Variants in CLIC5 observed in about 807,000 individuals in gnomAD.
The protein encoded by CLIC5 is chloride intracellular channel protein 5.
CLIC5 carries 20 observed loss-of-function variants against 24.7 expected under a neutral mutation model. The ratio of observed to expected loss-of-function variants is 0.81; its 90% CI spans 0.57 to 1.18. CLIC5 has a LOEUF of 1.18. CLIC5 is among the 50% of genes most tolerant of loss of function. The probability of loss-of-function intolerance (pLI) is 0.00; values close to 1 mark genes in which losing one functional copy is unlikely to be tolerated. For missense variants in CLIC5, 341 were observed against 326.1 expected (o/e 1.05, Z -0.35); for synonymous variants, 159 against 135.6 (o/e 1.17, Z -1.20).
chr6:45,930,308 A>C (rs1763681498), intron 4 of CLIC5, among the ~76,000 whole-genome samples: 1 of 152,172 alleles, frequency 6.6e-6, no homozygotes, highest in East Asian at 1.9e-4. Context: ...GTAAATGTAA[A>C]GACTCGAGAT....
chr6:46,008,332 T>C (rs967602161), intron 1 of CLIC5, among the ~76,000 whole-genome samples: 1 of 152,202 alleles, frequency 6.6e-6, no homozygotes, highest in Non-Finnish European at 1.5e-5. Flanking sequence ...TTGCTCACTT[T>C]TGGCCACCTC....
intron 1 of CLIC5, among the ~76,000 whole-genome samples, chr6:46,035,757 T>A (rs1767640641): frequency 6.6e-6 from 1 of 152,274 alleles, no homozygotes; most frequent in South Asian, 2.1e-4. Context: ...ATTTTCTTTT[T>A]TTTTTTAAGA....
chr6:46,011,497 G>T (rs1385262850), intron 1 of CLIC5, among the ~76,000 whole-genome samples: 1 of 152,218 alleles, frequency 6.6e-6, no homozygotes, highest in African/African-American at 2.4e-5. Context: ...GGCTTGGGGA[G>T]CAAACTGCCA....
chr6:46,057,444 C>T (rs1352774776), intron 1 of CLIC5, among the ~76,000 whole-genome samples: 7 of 152,202 alleles, frequency 4.6e-5, no homozygotes, highest in Non-Finnish European at 1.0e-4. Flanking sequence ...TCCAATTAAA[C>T]CTCTTTTTCT....
rs1762434855 is a variant in CLIC5, at chr6:45,898,658, C to A, written c.*4430G>T. On this transcript the variant is annotated 3_prime_UTR_variant, in exon 6 of 6. Transcript: ENST00000339561. ...GGTCTCGAGAAAATCAAGTAACTATCATTTGGAGTGTCTTTGTAAAATGAA... is the reference window on the plus strand; with the variant it reads ...GGTCTCGAGAAAATCAAGTAACTATAATTTGGAGTGTCTTTGTAAAATGAA... 6.6e-6 allele frequency: 1 copy of A among 152,622 alleles called. No homozygotes were observed. The highest frequency in any genetic ancestry group is 2.4e-5 in the African/African-American group (1 of 41,442). The allele number at this position is 152,622 out of a possible 1,614,324, so 9.5% of individuals were successfully genotyped here.
At chr6:45,962,124 C>T (rs1022285482) in intron 1 of CLIC5, among the ~76,000 whole-genome samples, 6 of 149,058 alleles carry the variant, frequency 4.0e-5, no homozygotes, top group South Asian at 2.1e-4. Context: ...TATGGAGAAA[C>T]GTATACACAT....
chr6:45,889,199 T>A (rs1418153694), intron 6 of CLIC5, among the ~76,000 whole-genome samples: 1 of 146,198 alleles, frequency 6.8e-6, no homozygotes, highest in Non-Finnish European at 1.5e-5. Flanking sequence ...CTAGCAGATT[T>A]GATGTCTAGG....
upstream of CLIC5, among the ~76,000 whole-genome samples, chr6:46,084,137 C>G (rs934366705): frequency 6.6e-6 from 1 of 152,092 alleles, no homozygotes; most frequent in African/African-American, 2.4e-5. Flanking sequence ...GGTAGATCTT[C>G]CTCCATCCTT....
chr6:45,888,975 A>G (rs1366014997), intron 6 of CLIC5, among the ~76,000 whole-genome samples: 1 of 152,188 alleles, frequency 6.6e-6, no homozygotes, highest in Non-Finnish European at 1.5e-5. Flanking sequence ...TTTAGTGTCC[A>G]TCAGAGGGAG....
chr6:46,108,368 TTGTGTGTGTG>T, the CLIC5 span, among the ~76,000 whole-genome samples: 48 of 142,654 alleles, frequency 3.4e-4, no homozygotes, highest in Middle Eastern at 3.7e-3. Flanking sequence ...TATCGGGTCT[TTGTGTGTGTG>T]TGTGTGTGTG....
chr6:45,980,633 G>A (rs1200359561), intron 1 of CLIC5, among the ~76,000 whole-genome samples: 1 of 151,766 alleles, frequency 6.6e-6, no homozygotes, highest in East Asian at 1.9e-4. Flanking sequence ...TTAATGTTAA[G>A]GGAAAATGCT....
intron 1 of CLIC5, among the ~76,000 whole-genome samples, chr6:46,036,169 G>A (rs914199182): frequency 2.0e-5 from 3 of 151,960 alleles, no homozygotes; most frequent in African/African-American, 7.3e-5. Context: ...ACTCAGGATC[G>A]CTCCTATTGT....
At chr6:45,959,835 A>T (rs566150312) in intron 1 of CLIC5, among the ~76,000 whole-genome samples, 1 of 152,308 alleles carries the variant, frequency 6.6e-6, no homozygotes, top group South Asian at 2.1e-4. Context: ...ATCAACCAGA[A>T]TGTTTAGAAG....
At chr6:46,109,100 G>A in the CLIC5 span, among the ~76,000 whole-genome samples, 1 of 152,056 alleles carries the variant, frequency 6.6e-6, no homozygotes, top group Non-Finnish European at 1.5e-5. Flanking sequence ...ACATTAAATT[G>A]TTGTATGCCA....
intron 1 of CLIC5, among the ~76,000 whole-genome samples, chr6:45,974,171 A>C (rs147988732): frequency 6.6e-6 from 1 of 151,936 alleles, no homozygotes; most frequent in Non-Finnish European, 1.5e-5. Flanking sequence ...ATATAGTTTT[A>C]TATATAAAAC....
At chr6:46,026,312 C>A (rs1376649982) in intron 1 of CLIC5, among the ~76,000 whole-genome samples, 1 of 152,124 alleles carries the variant, frequency 6.6e-6, no homozygotes, top group African/African-American at 2.4e-5. Context: ...TTTTCTGTTT[C>A]CATATACATC....
At chr6:45,986,689 A>G (rs1332992559) in intron 1 of CLIC5, among the ~76,000 whole-genome samples, 1 of 152,216 alleles carries the variant, frequency 6.6e-6, no homozygotes, top group Non-Finnish European at 1.5e-5. Flanking sequence ...ACTGGGCTCA[A>G]TGAAGTTATG....
chr6:45,976,899 T>C (rs956109039), intron 1 of CLIC5, among the ~76,000 whole-genome samples: 6 of 152,186 alleles, frequency 3.9e-5, no homozygotes, highest in African/African-American at 1.4e-4. Context: ...TTTTTAGGGC[T>C]GGATGTTACG....
chr6:45,980,222 T>C (rs532562439), intron 1 of CLIC5, among the ~76,000 whole-genome samples: 116 of 152,300 alleles, frequency 7.6e-4, no homozygotes, highest in African/African-American at 2.3e-3. Context: ...TGGGGCTTTA[T>C]TTCTGGGTTC....
Sources: allele counts gnomAD v4.1 joint callset (sites outside exome capture counted in the v4.1 genomes callset), GRCh38; gene constraint gnomAD v4.1.1; transcripts MANE v1.5; gene names NCBI Gene and HGNC (gene_info 2026-07-23, HGNC 2026-07-21).